ARHGAP42: variants seen among roughly 807,000 people sequenced by gnomAD.
ARHGAP42 encodes Rho GTPase activating protein 42, also known as rho GTPase-activating protein 42.
In ARHGAP42, 63 loss-of-function variants were observed where a neutral mutation model predicts 125.0. The ratio of observed to expected loss-of-function variants is 0.50; its 90% CI spans 0.41 to 0.62. The LOEUF is 0.62. Ranked by LOEUF, ARHGAP42 falls within the 20% of genes least tolerant of loss-of-function variation. The probability of loss-of-function intolerance (pLI) is 0.00; values close to 1 mark genes in which losing one functional copy is unlikely to be tolerated. For synonymous variants in ARHGAP42, 339 were observed against 351.0 expected (o/e 0.97, Z 0.38); for missense variants, 766 against 1,024.2 (o/e 0.75, Z 3.44).
chr11:100,737,803 A>AT (rs1354171215), intron 1 of ARHGAP42, among the ~76,000 whole-genome samples: 1 of 152,260 alleles, frequency 6.6e-6, no homozygotes, highest in Non-Finnish European at 1.5e-5. Context: ...TAACAGATTT[A>AT]TATTGATAAG....
At chr11:100,827,565 G>C (rs1299072557) in intron 3 of ARHGAP42, among the ~76,000 whole-genome samples, 2 of 152,202 alleles carry the variant, frequency 1.3e-5, no homozygotes, top group African/African-American at 4.8e-5. Flanking sequence ...TTCTACAAGG[G>C]TAATGCCAGT....
At chr11:100,799,090 A>G (rs537439) in intron 3 of ARHGAP42, among the ~76,000 whole-genome samples, 121,009 of 151,958 alleles carry the variant, frequency 0.8, 48,260 homozygotes, top group Middle Eastern at 0.85. Flanking sequence ...ACAGGGCTAC[A>G]CCTAGAAGTT....
chr11:100,770,918 GTGTT>G lies in ARHGAP42; in HGVS notation c.250+493_250+496del, dbSNP rs144822148. ...TAAATTGTTTTTAAATCGAAGCTCT[GTGTT>G]TGTTTGTTTGTTGTTTCCATAAGGA... is the stretch of plus-strand genomic sequence containing the variant. On this transcript the variant is annotated intron_variant, in intron 2 of 23. Transcript: ENST00000298815. Among the ~76,000 whole-genome samples the G allele has an allele frequency of 9.5e-4, 144 of 152,264 alleles. 1 individual carries two copies. Among genetic ancestry groups the G allele is most frequent in the African/African-American group, 3.0e-3 (123 of 41,542 alleles).
intron 3 of ARHGAP42, among the ~76,000 whole-genome samples, chr11:100,814,340 C>T (rs598702): frequency 0.058 from 8,015 of 138,332 alleles, 363 homozygotes; most frequent in African/African-American, 0.15. Context: ...TCCAACCTGG[C>T]GACAGAGCAA....
At chr11:100,892,784 T>C (rs1223847476) in intron 4 of ARHGAP42, among the ~76,000 whole-genome samples, 2 of 152,158 alleles carry the variant, frequency 1.3e-5, no homozygotes, top group Non-Finnish European at 2.9e-5. Flanking sequence ...GACTGAGCTC[T>C]CAGGAAGAAG....
chr11:100,817,885 G>A (rs1864307122), intron 3 of ARHGAP42, among the ~76,000 whole-genome samples: 1 of 152,158 alleles, frequency 6.6e-6, no homozygotes, highest in Non-Finnish European at 1.5e-5. Context: ...TGAAGTGTTG[G>A]TGATGATACT....
intron 4 of ARHGAP42, among the ~76,000 whole-genome samples, chr11:100,897,784 A>C (rs545932334): frequency 1.3e-5 from 2 of 152,346 alleles, no homozygotes; most frequent in African/African-American, 4.8e-5. Context: ...TGTCATCTGC[A>C]AACAGGGACA....
At chr11:100,988,470 A>G (rs1230561395) in intron 23 of ARHGAP42, among the ~76,000 whole-genome samples, 2 of 152,222 alleles carry the variant, frequency 1.3e-5, no homozygotes, top group African/African-American at 2.4e-5. Context: ...AAAAGGAATT[A>G]CAAATAATCT....
intron 1 of ARHGAP42, among the ~76,000 whole-genome samples, chr11:100,762,149 G>A (rs1343581321): frequency 6.6e-6 from 1 of 152,202 alleles, no homozygotes; most frequent in African/African-American, 2.4e-5. Flanking sequence ...TGCCAGAAGG[G>A]TGGATGTATC....
In ARHGAP42 at chr11:100,992,709, T is replaced by C. The variant is rs772644869; in HGVS notation, c.*3908T>C. 4 of 1,553,852 alleles carry C rather than the reference T, an allele frequency of 2.6e-6. No homozygotes were observed. Among genetic ancestry groups the C allele is most frequent in the Non-Finnish European group, 2.6e-6 (3 of 1,153,346 alleles). ...CAGGTTTATGAATGATGTGGACTTT[T>C]AGAGGATCAAATCAATAAATTGGAT... On this transcript the variant is annotated 3_prime_UTR_variant, in exon 24 of 24. Coordinates refer to ENST00000298815, the MANE Select transcript of ARHGAP42 (RefSeq NM_152432.4).
intron 12 of ARHGAP42, among the ~76,000 whole-genome samples, chr11:100,954,889 G>A (rs1395487930): frequency 6.6e-6 from 1 of 152,118 alleles, no homozygotes; most frequent in Non-Finnish European, 1.5e-5. Context: ...TTAACATACA[G>A]CATGATATTA....
intron 2 of ARHGAP42, among the ~76,000 whole-genome samples, chr11:100,783,658 A>G (rs1863367396): frequency 6.6e-6 from 1 of 152,226 alleles, no homozygotes; most frequent in African/African-American, 2.4e-5. Context: ...ACAGCCTGAT[A>G]ATAAATTTTG....
chr11:100,976,444 C>A lies in ARHGAP42; in HGVS notation c.2236+7C>A. 1.3e-6 allele frequency: 2 copies of A among 1,508,412 alleles called. No individual in the cohort carries two copies. The highest frequency in any genetic ancestry group is 8.8e-7 in the Non-Finnish European group (1 of 1,130,716). The allele number at this position is 1,508,412 out of a possible 1,614,324, so 93.4% of individuals were successfully genotyped here. On this transcript the variant is annotated splice_region_variant and intron_variant, in intron 20 of 23. Coordinates refer to ENST00000298815, the MANE Select transcript of ARHGAP42 (RefSeq NM_152432.4). ...TCCATCTCTGCAGCTGAAGGTAAGG[C>A]AGAGTGGAACTTGTGCAAGATGTCA...
intron 5 of ARHGAP42, among the ~76,000 whole-genome samples, chr11:100,918,277 C>T (rs1411263796): frequency 2.2e-4 from 33 of 152,130 alleles, no homozygotes; most frequent in Admixed American, 2.2e-3. Flanking sequence ...TTATCTGTTC[C>T]TCATTCTTCA....
chr11:100,764,550 G>C (rs926549591), intron 1 of ARHGAP42, among the ~76,000 whole-genome samples: 2 of 152,178 alleles, frequency 1.3e-5, no homozygotes, highest in African/African-American at 4.8e-5. Context: ...TATTGCTGTT[G>C]TTATTGAAAG....
At chr11:100,827,444 T>C (rs564465450) in intron 3 of ARHGAP42, among the ~76,000 whole-genome samples, 1 of 152,326 alleles carries the variant, frequency 6.6e-6, no homozygotes, top group South Asian at 2.1e-4. Context: ...CTGTGGCATG[T>C]GGAAAAGACA....
At chr11:100,902,724 G>A (rs1327892271) in intron 4 of ARHGAP42, among the ~76,000 whole-genome samples, 5 of 152,072 alleles carry the variant, frequency 3.3e-5, no homozygotes, top group Admixed American at 6.6e-5. Context: ...ACCGCAGGAT[G>A]TATGGTGCAG....
At chr11:100,796,328 G>A (rs543427437) in intron 3 of ARHGAP42, among the ~76,000 whole-genome samples, 2 of 152,138 alleles carry the variant, frequency 1.3e-5, no homozygotes, top group Non-Finnish European at 2.9e-5. Flanking sequence ...TCTGACTGCT[G>A]TACCAGCCAG....
At chr11:100,802,411 T>C (rs1863876974) in intron 3 of ARHGAP42, among the ~76,000 whole-genome samples, 1 of 147,274 alleles carries the variant, frequency 6.8e-6, no homozygotes, top group Non-Finnish European at 1.5e-5. Context: ...CCACCTCCAT[T>C]TCTCCTTTCT....
Sources: allele counts gnomAD v4.1 joint callset (sites outside exome capture counted in the v4.1 genomes callset), GRCh38; gene constraint gnomAD v4.1.1; transcripts MANE v1.5; gene names NCBI Gene and HGNC (gene_info 2026-07-23, HGNC 2026-07-21).